The following QTGAL variants were observed in gnomAD, a reference collection of about 807,000 sequenced individuals.
The protein encoded by QTGAL is queuosine-tRNA galactosyltransferase.
the QTGAL span, chr17:83,035,170 G>T: frequency 3.2e-6 from 4 of 1,258,330 alleles, no homozygotes; most frequent in Non-Finnish European, 4.5e-6. Flanking sequence ...ATAGAGCTTA[G>T]TATATGATAT....
chr17:83,036,250 C>T, the QTGAL span, among the ~76,000 whole-genome samples: 2 of 152,248 alleles, frequency 1.3e-5, no homozygotes, highest in East Asian at 3.9e-4. Context: ...CTCTCCCAGG[C>T]TGCTAAGCAG....
chr17:82,987,169 C>T, the QTGAL span, among the ~76,000 whole-genome samples: 1,891 of 152,312 alleles, frequency 0.012, 44 homozygotes, highest in African/African-American at 0.043. Context: ...ATAGTTATTA[C>T]ACTTTGCATG....
chr17:83,048,404 TGTTTC>T, the QTGAL span: 8 of 1,363,292 alleles, frequency 5.9e-6, no homozygotes, highest in South Asian at 9.4e-5. Context: ...AACATGAAAC[TGTTTC>T]GGTACGTAAG....
the QTGAL span, among the ~76,000 whole-genome samples, chr17:83,037,735 G>A: frequency 2.0e-5 from 3 of 152,218 alleles, no homozygotes; most frequent in African/African-American, 4.8e-5. This position sits in a 1 kb window ranked among gnomAD's most constrained non-coding sequence, Gnocchi z 5.2. Flanking sequence ...GCTTGTTAGC[G>A]TCAGGTTTCA....
chr17:82,951,599 C>T, the QTGAL span, among the ~76,000 whole-genome samples: 30 of 152,258 alleles, frequency 2.0e-4, no homozygotes, highest in African/African-American at 6.3e-4. Flanking sequence ...CTTGGCTAAC[C>T]GTTAGGCTGA....
chr17:83,029,956 C>T, the QTGAL span, among the ~76,000 whole-genome samples: 1 of 152,226 alleles, frequency 6.6e-6, no homozygotes, highest in South Asian at 2.1e-4. Context: ...TCTTGACCTA[C>T]AACTGTCTTG....
chr17:82,992,023 A>C, the QTGAL span, among the ~76,000 whole-genome samples: 1 of 152,180 alleles, frequency 6.6e-6, no homozygotes. Context: ...AAGACAAAAT[A>C]AAAAAGAATA....
chr17:82,947,002 T>G, the QTGAL span: 1 of 1,552,590 alleles, frequency 6.4e-7, no homozygotes, highest in African/African-American at 1.4e-5. Context: ...AGCAGCAGAT[T>G]CAGCTCAGTC....
At chr17:83,007,057 G>A in the QTGAL span, 29 of 424,140 alleles carry the variant, frequency 6.8e-5, no homozygotes, top group African/African-American at 6.0e-4. Context: ...AGGCTGGCGA[G>A]GAGCATCTTT....
the QTGAL span, chr17:82,961,044 G>C: frequency 6.2e-7 from 1 of 1,603,850 alleles, no homozygotes; most frequent in South Asian, 1.1e-5. Context: ...GGGGCCGGGC[G>C]GGGCTGACTC....
chr17:83,005,285 C>T, the QTGAL span: 4 of 1,222,086 alleles, frequency 3.3e-6, no homozygotes, highest in Non-Finnish European at 4.7e-6. This position sits in a 1 kb window ranked among gnomAD's most constrained non-coding sequence, Gnocchi z 5.6. Context: ...TGTGTGTATT[C>T]ATCTCACATG....
chr17:82,959,235 T>TGTGTGTACACGC, the QTGAL span, among the ~76,000 whole-genome samples: 16 of 151,160 alleles, frequency 1.1e-4, no homozygotes, highest in Non-Finnish European at 1.9e-4. Flanking sequence ...ACTGTGTGGA[T>TGTGTGTACACGC]GTGTGTACAC....
chr17:82,984,030 G>A, the QTGAL span, among the ~76,000 whole-genome samples: 31 of 135,444 alleles, frequency 2.3e-4, no homozygotes, highest in African/African-American at 7.6e-4. Context: ...GGAGGGGAGA[G>A]GCCACGTGAG....
At chr17:82,980,777 T>C in the QTGAL span, among the ~76,000 whole-genome samples, 1 of 152,326 alleles carries the variant, frequency 6.6e-6, no homozygotes, top group South Asian at 2.1e-4. Context: ...CCCTTTGGGT[T>C]ACTGTACGAG....
At chr17:83,048,760 G>A in the QTGAL span, 8 of 1,614,020 alleles carry the variant, frequency 5.0e-6, no homozygotes, top group East Asian at 4.5e-5. Context: ...CCACGGTTCA[G>A]CGTTGTGGAC....
the QTGAL span, chr17:82,961,392 G>C: frequency 2.1e-6 from 1 of 467,050 alleles, no homozygotes; most frequent in African/African-American, 2.0e-5. Flanking sequence ...GGGAAAGAGG[G>C]GAAGGGAGGG....
chr17:82,945,790 G>A, the QTGAL span: 1 of 152,196 alleles, frequency 6.6e-6, no homozygotes, highest in Non-Finnish European at 1.5e-5. Context: ...TATCTTCTGG[G>A]GGTGCCCCTG....
the QTGAL span, chr17:82,961,356 G>T: frequency 1.7e-6 from 1 of 575,606 alleles, no homozygotes; most frequent in Non-Finnish European, 2.8e-6. Context: ...CACAACAGAC[G>T]TGAGCAACCG....
chr17:83,034,085 C>T, the QTGAL span, among the ~76,000 whole-genome samples: 1 of 152,090 alleles, frequency 6.6e-6, no homozygotes, highest in Non-Finnish European at 1.5e-5. Context: ...GGATTACAGG[C>T]GCACACCACC....
Sources: gnomAD v4.1 joint callset for allele counts (sites outside exome capture counted in the v4.1 genomes callset) on GRCh38, gnomAD v4.1.1 for gene constraint, Gnocchi (gnomAD v3.1) non-coding constraint, MANE v1.5 for transcripts, NCBI Gene and HGNC (gene_info 2026-07-23, HGNC 2026-07-21) for gene names.